Variants in LDB2 observed in about 807,000 individuals in gnomAD.
LDB2 encodes the protein LIM domain-binding protein 2.
A neutral mutation model predicts 44.3 loss-of-function variants in LDB2; 12 were observed. The observed-to-expected ratio is 0.27, with a 90% CI of 0.17 to 0.44. The LOEUF is 0.44. Ranked by LOEUF, LDB2 falls within the 20% of genes least tolerant of loss-of-function variation. LDB2 has a pLI of 1.00. For missense variants in LDB2, 344 were observed against 473.5 expected (o/e 0.73, Z 2.54); for synonymous variants, 164 against 174.8 (o/e 0.94, Z 0.49).
intron 5 of LDB2, among the ~76,000 whole-genome samples, chr4:16,542,725 A>ATTTTT (rs140614064): frequency 1.9e-3 from 289 of 151,446 alleles, no homozygotes; most frequent in African/African-American, 5.3e-3. Flanking sequence ...ATGCTCAATA[A>ATTTTT]TTTTTTTTTA....
intron 1 of LDB2, among the ~76,000 whole-genome samples, chr4:16,890,445 C>G (rs557362701): frequency 1.3e-5 from 2 of 152,306 alleles, no homozygotes; most frequent in South Asian, 2.1e-4. Flanking sequence ...GATTCCTCTT[C>G]TTCAGAGAGG....
At position 16,656,589 on chromosome 4, in the gene LDB2, A is replaced by T. The variant is rs971818528; in HGVS notation, c.236-60714T>A. 1.6e-4 allele frequency among the ~76,000 whole-genome samples: 24 copies of T among 152,230 alleles called. 1 individual carries two copies. The highest frequency in any genetic ancestry group is 1.5e-5 in the Non-Finnish European group (1 of 68,044). Reference sequence around the variant, plus strand: ...TCAAAATACTTTTCCACCAAGCATGACTTTATGGTGTCGGCAAGATGACAT... The same window carrying T: ...TCAAAATACTTTTCCACCAAGCATGTCTTTATGGTGTCGGCAAGATGACAT... On this transcript the variant is annotated intron_variant, in intron 2 of 7. Coordinates refer to ENST00000304523, the MANE Select transcript of LDB2 (RefSeq NM_001290.5).
At chr4:16,859,421 A>T (rs1288108703) in intron 1 of LDB2, among the ~76,000 whole-genome samples, 1 of 152,214 alleles carries the variant, frequency 6.6e-6, no homozygotes, top group Non-Finnish European at 1.5e-5. Flanking sequence ...GCATTTTGAA[A>T]GCCATAACAG....
Position 16,582,339 on chromosome 4 carries a change from T to A in LDB2, c.615+3583A>T, listed in dbSNP as rs1004465604. Among the ~76,000 whole-genome samples, 1 of 152,214 alleles carries A rather than the reference T, an allele frequency of 6.6e-6. No individual in the cohort carries two copies. The highest frequency in any genetic ancestry group is 2.1e-4 in the South Asian group (1 of 4,820). On this transcript the variant is annotated intron_variant, in intron 5 of 7. Transcript: ENST00000304523. This position sits in a 1 kb window ranked among gnomAD's most constrained non-coding sequence, Gnocchi z 4.8. ...CACAGCCAGGTCTCATTGACCCGGA[T>A]GGCCCAATGCGCACTAAACTGCACT...
chr4:16,705,108 T>A (rs1429148164), intron 2 of LDB2, among the ~76,000 whole-genome samples: 1 of 151,864 alleles, frequency 6.6e-6, no homozygotes. Flanking sequence ...TAATTATACA[T>A]AATCCTTTCA....
intron 1 of LDB2, among the ~76,000 whole-genome samples, chr4:16,821,590 C>T (rs1782030032): frequency 6.6e-6 from 1 of 150,474 alleles, no homozygotes; most frequent in African/African-American, 2.4e-5. Flanking sequence ...GAGGATTCAC[C>T]GTGTTAGCCA....
chr4:16,797,637 A>C (rs796742046), intron 1 of LDB2, among the ~76,000 whole-genome samples: 7 of 152,272 alleles, frequency 4.6e-5, no homozygotes, highest in African/African-American at 1.7e-4. Flanking sequence ...TAGGAATGAT[A>C]ATAATAATAG....
chr4:16,774,821 G>A (rs528427576), intron 1 of LDB2, among the ~76,000 whole-genome samples: 3 of 152,112 alleles, frequency 2.0e-5, no homozygotes, highest in South Asian at 2.1e-4. Flanking sequence ...GTAATAAAAG[G>A]TTACATACAT....
At chr4:16,522,981 T>TC (rs1577359071) in intron 5 of LDB2, among the ~76,000 whole-genome samples, 1 of 152,346 alleles carries the variant, frequency 6.6e-6, no homozygotes, top group East Asian at 1.9e-4. Flanking sequence ...TTATTGTCCT[T>TC]CAGTTCAGCC....
chr4:16,768,764 CA>C (rs1214999844), intron 1 of LDB2, among the ~76,000 whole-genome samples: 2 of 152,128 alleles, frequency 1.3e-5, no homozygotes, highest in Non-Finnish European at 2.9e-5. Context: ...AGTTACAAGG[CA>C]CTTATTGTAT....
intron 1 of LDB2, among the ~76,000 whole-genome samples, chr4:16,841,906 C>G (rs1443651069): frequency 6.6e-6 from 1 of 152,110 alleles, no homozygotes; most frequent in Non-Finnish European, 1.5e-5. Flanking sequence ...TATGATGCAA[C>G]CTAACACACC....
chr4:16,831,890 C>T (rs1413980588), intron 1 of LDB2, among the ~76,000 whole-genome samples: 1 of 152,036 alleles, frequency 6.6e-6, no homozygotes, highest in Non-Finnish European at 1.5e-5. Context: ...TTTCTGTGTG[C>T]TAATATGGGC....
chr4:16,869,106 C>T (rs1417985320), intron 1 of LDB2, among the ~76,000 whole-genome samples: 1 of 152,018 alleles, frequency 6.6e-6, no homozygotes, highest in African/African-American at 2.4e-5. Flanking sequence ...AGTTAATTCT[C>T]AACAATGCTA....
intron 1 of LDB2, among the ~76,000 whole-genome samples, chr4:16,775,523 A>T (rs1326488128): frequency 6.6e-6 from 1 of 152,220 alleles, no homozygotes; most frequent in African/African-American, 2.4e-5. Flanking sequence ...AAGTGCTTAG[A>T]ACAGTGCCTG....
At chr4:16,540,763 A>G (rs1733478494) in intron 5 of LDB2, among the ~76,000 whole-genome samples, 1 of 152,172 alleles carries the variant, frequency 6.6e-6, no homozygotes, top group South Asian at 2.1e-4. Flanking sequence ...GGATACTTTG[A>G]GGACCCCAAG....
intron 1 of LDB2, among the ~76,000 whole-genome samples, chr4:16,867,090 G>C (rs542283178): frequency 6.6e-6 from 1 of 152,244 alleles, no homozygotes; most frequent in East Asian, 1.9e-4. Flanking sequence ...TTAGCCCTTG[G>C]AACCCAGCCT....
At chr4:16,675,949 T>C (rs1192884773) in intron 2 of LDB2, among the ~76,000 whole-genome samples, 1 of 152,204 alleles carries the variant, frequency 6.6e-6, no homozygotes. Context: ...TAAACAAAAG[T>C]ACTTGTCAGA....
intron 5 of LDB2, among the ~76,000 whole-genome samples, chr4:16,567,764 C>T (rs1306760553): frequency 6.6e-5 from 10 of 152,100 alleles, no homozygotes; most frequent in Admixed American, 6.5e-4. Context: ...AGCGAGACAA[C>T]GTCTCAAGAA....
At position 16,853,733 on chromosome 4, in the gene LDB2, G is replaced by A. The variant is rs1013376236; in HGVS notation, c.132+44621C>T. ...CAAGATGTGGGCACAACAAGCATCC[G>A]TCAGTGGATGACAGGGAAAAGAAAC... On this transcript the variant is annotated intron_variant, in intron 1 of 7. Transcript: ENST00000304523. Among the ~76,000 whole-genome samples the A allele has an allele frequency of 1.1e-4, 16 of 152,194 alleles. No homozygotes were observed. In the South Asian group the frequency reaches 1.2e-3, roughly 12 times the overall value.
Sources: allele counts gnomAD v4.1 joint callset (sites outside exome capture counted in the v4.1 genomes callset), GRCh38; gene constraint gnomAD v4.1.1; non-coding constraint Gnocchi (gnomAD v3.1); transcripts MANE v1.5; gene names NCBI Gene and HGNC (gene_info 2026-07-23, HGNC 2026-07-21).